Variants in DOP1B observed in about 807,000 individuals in gnomAD.
DOP1B encodes the protein protein DOP1B.
DOP1B carries 174 observed loss-of-function variants against 233.5 expected under a neutral mutation model. The ratio of observed to expected loss-of-function variants is 0.75; its 90% CI spans 0.66 to 0.85. The LOEUF is 0.85. Among genes scored for constraint, DOP1B ranks in the 40% least tolerant of loss-of-function variants. DOP1B has a pLI of 0.00. For missense variants in DOP1B, 2,652 were observed against 2,846.6 expected (o/e 0.93, Z 1.56); for synonymous variants, 1,190 against 1,185.6 (o/e 1.00, Z -0.08).
At chr21:36,165,113 C>T (rs1326636984) in intron 2 of DOP1B, among the ~76,000 whole-genome samples, 4 of 151,992 alleles carry the variant, frequency 2.6e-5, no homozygotes, top group Non-Finnish European at 5.9e-5. Context: ...CAGTGTTACC[C>T]ACTGTTAACC....
intron 10 of DOP1B, among the ~76,000 whole-genome samples, chr21:36,220,969 C>G (rs1046844963): frequency 2.0e-5 from 3 of 152,032 alleles, no homozygotes; most frequent in Admixed American, 6.6e-5. Flanking sequence ...CACAACCACA[C>G]CTGGCTAATT....
chr21:36,256,600 G>A (rs1192149454), intron 23 of DOP1B, among the ~76,000 whole-genome samples: 3 of 152,202 alleles, frequency 2.0e-5, no homozygotes, highest in Non-Finnish European at 4.4e-5. Context: ...ATAACAAAGT[G>A]AGATCTGTGC....
At chr21:36,277,916 A>T in intron 28 of DOP1B, 59 bp from the exon 29 acceptor site, 1 of 1,364,972 alleles carries the variant, frequency 7.3e-7, no homozygotes, top group Non-Finnish European at 1.0e-6. Context: ...TGCTGGGATT[A>T]CAGGTGTGAG....
chr21:36,184,245 C>T (rs1198710242), intron 2 of DOP1B, among the ~76,000 whole-genome samples: 1 of 152,086 alleles, frequency 6.6e-6, no homozygotes, highest in Admixed American at 6.6e-5. Flanking sequence ...GATGGGATTT[C>T]ACCATGTTGG....
At chr21:36,239,673 T>G in intron 17 of DOP1B, 92 bp from the exon 18 acceptor site, 1 of 1,380,778 alleles carries the variant, frequency 7.2e-7, no homozygotes. Context: ...AGGGTACCTG[T>G]GTTGGGTGAC....
chr21:36,233,107 C>T (rs2066787361), intron 15 of DOP1B, 32 bp downstream of exon 15: 20 of 1,603,136 alleles, frequency 1.2e-5, no homozygotes, highest in Non-Finnish European at 1.7e-5. Flanking sequence ...CTTCTTATGG[C>T]CTCCTTCTCC....
chr21:36,218,575 C>T (rs1414911860), intron 9 of DOP1B, among the ~76,000 whole-genome samples: 1 of 152,090 alleles, frequency 6.6e-6, no homozygotes, highest in Non-Finnish European at 1.5e-5. Context: ...GGAAACTTAG[C>T]ATGAAAATAA....
chr21:36,170,736 A>C (rs748090106), intron 2 of DOP1B, among the ~76,000 whole-genome samples: 4 of 151,824 alleles, frequency 2.6e-5, no homozygotes, highest in Non-Finnish European at 4.4e-5. Context: ...TCAAGGCTGC[A>C]GTGAGCATGA....
intron 23 of DOP1B, 85 bp downstream of exon 23, chr21:36,253,994 G>T: frequency 3.3e-6 from 5 of 1,496,800 alleles, no homozygotes; most frequent in Non-Finnish European, 4.5e-6. Flanking sequence ...AATCGTGTTT[G>T]GGAGGGAAGG....
intron 2 of DOP1B, among the ~76,000 whole-genome samples, chr21:36,177,414 G>A (rs2066044023): frequency 6.6e-6 from 1 of 152,222 alleles, no homozygotes; most frequent in Non-Finnish European, 1.5e-5. Flanking sequence ...GTGTTTGAGT[G>A]AAGGAATATT....
At chr21:36,187,227 T>TTCCCCTCCTCTCCCCTCCCC (rs2066175299) in intron 2 of DOP1B, among the ~76,000 whole-genome samples, 1 of 143,778 alleles carries the variant, frequency 7.0e-6, no homozygotes, top group Non-Finnish European at 1.5e-5. Flanking sequence ...CTCCCCTCCC[T>TTCCCCTCCTCTCCCCTCCCC]TCCCGGGGGA....
At chr21:36,171,773 G>A (rs1470061071) in intron 2 of DOP1B, among the ~76,000 whole-genome samples, 1 of 152,176 alleles carries the variant, frequency 6.6e-6, no homozygotes, top group Non-Finnish European at 1.5e-5. Flanking sequence ...CTGGTGTGTG[G>A]CACTTCGTTA....
intron 27 of DOP1B, among the ~76,000 whole-genome samples, chr21:36,273,352 C>T (rs578133031): frequency 3.4e-5 from 5 of 146,742 alleles, no homozygotes; most frequent in South Asian, 2.2e-4. Context: ...GGCTGCAGTG[C>T]GCCGAGATCG....
chr21:36,220,505 T>C (rs1043559523), intron 10 of DOP1B, among the ~76,000 whole-genome samples: 11 of 152,094 alleles, frequency 7.2e-5, no homozygotes, highest in African/African-American at 2.4e-4. Flanking sequence ...TTTTGTTTTC[T>C]TGTTGGTTTG....
intron 2 of DOP1B, among the ~76,000 whole-genome samples, chr21:36,174,843 C>T (rs992812645): frequency 1.3e-5 from 2 of 152,156 alleles, no homozygotes; most frequent in African/African-American, 4.8e-5. Flanking sequence ...CTCCTCTTCC[C>T]TGTTGACTAG....
chr21:36,200,136 C>T (rs1380861800), intron 3 of DOP1B, among the ~76,000 whole-genome samples, 195 bp from the exon 4 acceptor site: 1 of 152,030 alleles, frequency 6.6e-6, no homozygotes, highest in Non-Finnish European at 1.5e-5. Flanking sequence ...AGCATCTGAA[C>T]GTGCGGACAG....
intron 5 of DOP1B, among the ~76,000 whole-genome samples, chr21:36,210,947 G>A (rs1392026630): frequency 6.6e-6 from 1 of 152,232 alleles, no homozygotes; most frequent in African/African-American, 2.4e-5. Flanking sequence ...CCACACGACT[G>A]CCACAGGGCC....
At chr21:36,188,912 G>T (rs1180666202) in intron 2 of DOP1B, among the ~76,000 whole-genome samples, 1 of 152,122 alleles carries the variant, frequency 6.6e-6, no homozygotes, top group Non-Finnish European at 1.5e-5. Context: ...CACCCATATG[G>T]TTAAATTACT....
At chr21:36,180,841 A>T (rs2066090360) in intron 2 of DOP1B, among the ~76,000 whole-genome samples, 1 of 151,946 alleles carries the variant, frequency 6.6e-6, no homozygotes, top group South Asian at 2.1e-4. Context: ...AGATTATGCC[A>T]CTGCATTCCA....
Sources: allele counts gnomAD v4.1 joint callset (sites outside exome capture counted in the v4.1 genomes callset), GRCh38; gene constraint gnomAD v4.1.1; transcripts MANE v1.5; gene names NCBI Gene and HGNC (gene_info 2026-07-23, HGNC 2026-07-21).